The following ACRBP variants were observed in gnomAD, a reference collection of about 807,000 sequenced individuals.
ACRBP encodes the protein acrosin binding protein.
In ACRBP, 52 loss-of-function variants were observed where a neutral mutation model predicts 69.0. The ratio of observed to expected loss-of-function variants is 0.75; its 90% confidence interval spans 0.60 to 0.95. The LOEUF is 0.95. Among genes scored for constraint, ACRBP ranks in the 40% least tolerant of loss-of-function variants. The pLI, the probability that ACRBP is intolerant of heterozygous loss-of-function variation, is 0.00. For synonymous variants in ACRBP, 267 were observed against 258.9 expected (o/e 1.03, Z -0.30); for missense variants, 604 against 673.0 (o/e 0.90, Z 1.13).
In ACRBP at chr12:6,640,365, T is replaced by C; in HGVS notation, c.1235A>G (p.Gln412Arg). 1 of 1,614,094 alleles carries C rather than the reference T, an allele frequency of 6.2e-7. No individual in the cohort carries two copies. Among genetic ancestry groups the C allele is most frequent in the Non-Finnish European group, 8.5e-7 (1 of 1,180,002 alleles). ...TACCTGGTTGCCGATGGACAGGCTC[T>C]GGGAGGCAAGCAAGGGGCTGACAAA... Reference protein sequence around the residue: ...TPFVSPLLASQSLSIGNQVGS... With the variant: ...TPFVSPLLASRSLSIGNQVGS... Residue 412 changes from glutamine (Q) to arginine (R), a missense_variant, in exon 7 of 10, where the codon CAG (glutamine) becomes CGG (arginine). By Grantham distance (43) the Gln-to-Arg change is conservative. Around this residue, in one of 3 missense-constraint regions of ACRBP, gnomAD observed 532 missense variants for 562.9 expected, o/e 0.95. Coordinates refer to ENST00000229243, the MANE Select transcript of ACRBP (RefSeq NM_032489.3). The surrounding 1 kb of genome is among the most constrained non-coding windows in gnomAD (Gnocchi z 5.3).
At position 6,645,208 on chromosome 12, in the gene ACRBP, A is replaced by G. The variant is rs749599320; in HGVS notation, c.475+12T>C. On this transcript the variant is annotated intron_variant, in intron 4 of 9. Transcript: ENST00000229243. ...GTAGCTGGTGGTCTCCCGGCTGCTG[A>G]GAGGGTCTCACCTGTGAAGTGGGGT... 2.7e-5 allele frequency: 43 copies of G among 1,594,262 alleles called. No homozygotes were observed. In the East Asian group the frequency reaches 9.2e-4, roughly 34 times the overall value.
chr12:6,644,934 T>C (rs899626108), intron 4 of ACRBP, among the ~76,000 whole-genome samples: 1 of 152,160 alleles, frequency 6.6e-6, no homozygotes, highest in Admixed American at 6.5e-5. Context: ...GTGAAGACAT[T>C]AGCTTATAAA....
At chr12:6,639,172 C>T in intron 8 of ACRBP, 135 bp from the exon 9 acceptor site, 1 of 738,862 alleles carries the variant, frequency 1.4e-6, no homozygotes, top group Non-Finnish European at 2.3e-6. Context: ...CACAGGCGGC[C>T]CCTCACTCCG....
chr12:6,645,826 A>T (rs1949084087), intron 3 of ACRBP, among the ~76,000 whole-genome samples: 1 of 150,992 alleles, frequency 6.6e-6, no homozygotes, highest in Non-Finnish European at 1.5e-5. Context: ...ACGCCCAGCT[A>T]ATTTTTTGTA....
intron 5 of ACRBP, 89 bp from the exon 6 acceptor site, chr12:6,643,760 G>T: frequency 1.3e-6 from 2 of 1,542,280 alleles, no homozygotes; most frequent in Non-Finnish European, 8.8e-7. Context: ...CTTAGTGTCT[G>T]CTTTGGTCAC....
At chr12:6,645,441 T>G (rs1949080773) in intron 3 of ACRBP, 104 bp from the exon 4 acceptor site, 1 of 891,114 alleles carries the variant, frequency 1.1e-6, no homozygotes, top group Non-Finnish European at 1.8e-6. Context: ...TCTCAGTTTC[T>G]AGGCAGGGAT....
At chr12:6,646,007 T>G (rs968281001) in intron 3 of ACRBP, among the ~76,000 whole-genome samples, 1 of 150,920 alleles carries the variant, frequency 6.6e-6, no homozygotes, top group African/African-American at 2.4e-5. Flanking sequence ...CCACTCAGGA[T>G]AGGGTGCAGT....
rs1168368064 is a variant in ACRBP, at chr12:6,638,364, G to A, written c.1550C>T (p.Ala517Val). ...MRCLQNETYS[A>V]LSPGKSEDVV... ...GTCCTCACTTTTGCCAGGGCTCAGC[G>A]CACTGTAAGTCTCATTCTGCAGACA... The change falls in exon 10 of 10, where the codon GCG (alanine) becomes GTG (valine). Residue 517 changes from alanine (A) to valine (V), a missense_variant. Physicochemically the swap from Ala to Val is moderately conservative, Grantham distance 64. Transcript: ENST00000229243. 13 of 1,614,072 alleles carry A rather than the reference G, an allele frequency of 8.1e-6. No homozygotes were observed. Among genetic ancestry groups the A allele is most frequent in the South Asian group, 5.5e-5 (5 of 91,086 alleles).
At chr12:6,639,684 C>T (rs1949036958) in intron 8 of ACRBP, among the ~76,000 whole-genome samples, 1 of 152,200 alleles carries the variant, frequency 6.6e-6, no homozygotes, top group Non-Finnish European at 1.5e-5. Flanking sequence ...CAGGCTAAGG[C>T]CGGGAAGTCC....
rs1423395073 is a variant in ACRBP at position 6,647,330 on chromosome 12, G to A, written c.37C>T (p.Leu13=). 1 of 1,552,070 alleles carries A rather than the reference G, an allele frequency of 6.4e-7. No homozygotes were observed. Among genetic ancestry groups the A allele is most frequent in the Non-Finnish European group, 8.7e-7 (1 of 1,148,844 alleles). The stretch of plus-strand genomic sequence containing the variant: ...GCAGGTGTAAACCTCTCACCCTTCA[G>A]GAGTGAGGGAAGGAAGCCAGCGGCT... ...KPAAGFLPSL[L]KVLLLPLAPA... The change falls in exon 1 of 10, where the codon CTG becomes TTG. Residue 13 remains leucine, a synonymous_variant. Transcript: ENST00000229243.
At chr12:6,639,088 C>T (rs1949032486) in intron 8 of ACRBP, 51 bp from the exon 9 acceptor site, 7 of 1,518,866 alleles carry the variant, frequency 4.6e-6, no homozygotes, top group Non-Finnish European at 5.5e-6. Flanking sequence ...CCTCACCAGG[C>T]AGCAGCACTC....
chr12:6,642,926 C>T (rs1228316604), intron 6 of ACRBP, among the ~76,000 whole-genome samples: 1 of 151,982 alleles, frequency 6.6e-6, no homozygotes, highest in Non-Finnish European at 1.5e-5. Flanking sequence ...TAAGGCAAAG[C>T]TAGGAAGATG....
In ACRBP at chr12:6,640,025, A is replaced by T; in HGVS notation, c.1425+35T>A. 1 of 1,611,032 alleles carries T rather than the reference A, an allele frequency of 6.2e-7. No homozygotes were observed. The highest frequency in any genetic ancestry group is 1.1e-5 in the South Asian group (1 of 90,750). ...TAACTGGAAGGAATGGGGTGAGGGT[A>T]GGGATGGGGCTGAGCTTTGGGGAAA... is the stretch of plus-strand genomic sequence containing the variant. On this transcript the variant is annotated intron_variant, in intron 8 of 9. Coordinates refer to ENST00000229243, the MANE Select transcript of ACRBP (RefSeq NM_032489.3). This position sits in a 1 kb window ranked among gnomAD's most constrained non-coding sequence, Gnocchi z 5.3.
Position 6,638,253 on chromosome 12 carries a change from G to A in ACRBP, c.*29C>T, listed in dbSNP as rs1949025025. 6.2e-7 allele frequency: 1 copy of A among 1,610,618 alleles called. No homozygotes were observed. Among genetic ancestry groups the A allele is most frequent in the Non-Finnish European group, 8.5e-7 (1 of 1,177,338 alleles). On this transcript the variant is annotated 3_prime_UTR_variant, in exon 10 of 10. Coordinates refer to ENST00000229243, the MANE Select transcript of ACRBP (RefSeq NM_032489.3). The stretch of plus-strand genomic sequence containing the variant: ...ACAATAGAGAACGTGGGCAGGTTGG[G>A]CTGGGGTGTGGGCAGAATAGACGCC...
At position 6,647,351 on chromosome 12, in the gene ACRBP, C is replaced by T. The variant is rs200739356; in HGVS notation, c.16G>A (p.Ala6Thr). The change falls in exon 1 of 10, where the codon GCT becomes ACT. Residue 6 changes from alanine (A) to threonine (T), a missense_variant. Coordinates refer to ENST00000229243, the MANE Select transcript of ACRBP (RefSeq NM_032489.3). The part of the protein sequence containing the change: MRKPA[A>T]GFLPSLLKVL... ...TTCAGGAGTGAGGGAAGGAAGCCAG[C>T]GGCTGGCTTCCTCATGGCCGGAGAA... The T allele has an allele frequency of 2.0e-5, 31 of 1,542,544 alleles. No homozygotes were observed. The highest frequency in any genetic ancestry group is 6.3e-5 in the Admixed American group (3 of 47,624).
intron 5 of ACRBP, 91 bp downstream of exon 5, chr12:6,644,046 C>G: frequency 2.0e-6 from 3 of 1,513,088 alleles, no homozygotes; most frequent in East Asian, 2.3e-5. Context: ...CTGAGTGGAT[C>G]TGGAGGCTGA....
At chr12:6,639,903 T>C (rs1174384968) in intron 8 of ACRBP, among the ~76,000 whole-genome samples, 157 bp downstream of exon 8, 1 of 152,070 alleles carries the variant, frequency 6.6e-6, no homozygotes, top group Non-Finnish European at 1.5e-5. Context: ...TGGGGTGCAA[T>C]GGTCTCTTGG....
intron 6 of ACRBP, 121 bp downstream of exon 6, chr12:6,643,418 G>C: frequency 1.5e-6 from 2 of 1,373,334 alleles, no homozygotes; most frequent in Admixed American, 4.3e-5. Context: ...CACTTGGAGA[G>C]AATCTCTCCA....
chr12:6,638,505 A>AG, intron 9 of ACRBP, 101 bp from the exon 10 acceptor site: 1 of 1,515,850 alleles, frequency 6.6e-7, no homozygotes, highest in Non-Finnish European at 9.1e-7. Context: ...AGAGGTGGGC[A>AG]GGCATGGGCA....
Sources: gnomAD v4.1 joint callset for allele counts (sites outside exome capture counted in the v4.1 genomes callset) on GRCh38, gnomAD v4.1.1 for gene constraint, gnomAD v4.1.1 regional missense constraint, Gnocchi (gnomAD v3.1) non-coding constraint, MANE v1.5 for transcripts, NCBI Gene and HGNC (gene_info 2026-07-23, HGNC 2026-07-21) for gene names.